Variants in ST3GAL6 observed in about 807,000 individuals in gnomAD.
The protein encoded by ST3GAL6 is ST3 beta-galactoside alpha-2,3-sialyltransferase 6.
In ST3GAL6, 31 loss-of-function variants were observed where a neutral mutation model predicts 40.5. That is an observed-to-expected ratio of 0.77 (90% confidence interval 0.58 to 1.03). ST3GAL6 has a LOEUF of 1.03. Ranked by LOEUF, ST3GAL6 falls within the 50% of genes least tolerant of loss-of-function variation. ST3GAL6 has a pLI of 0.00. For synonymous variants in ST3GAL6, 129 were observed against 136.9 expected (o/e 0.94, Z 0.40); for missense variants, 357 against 393.2 (o/e 0.91, Z 0.78).
chr3:98,768,165 G>A (rs1385786905), intron 1 of ST3GAL6, among the ~76,000 whole-genome samples: 2 of 152,142 alleles, frequency 1.3e-5, no homozygotes, highest in Admixed American at 6.5e-5. Context: ...GAAAGTAGTA[G>A]GGGGAGGCCC....
At chr3:98,732,535 A>C in intron 1 of ST3GAL6, 1 of 254,534 alleles carries the variant, frequency 3.9e-6, no homozygotes. Context: ...CCCGAAAGGT[A>C]GGGGTTCGGC....
At chr3:98,775,401 G>A (rs1327172721) in intron 5 of ST3GAL6, among the ~76,000 whole-genome samples, 1 of 151,808 alleles carries the variant, frequency 6.6e-6, no homozygotes, top group African/African-American at 2.4e-5. Flanking sequence ...GCTTGAACCA[G>A]GGAGGCGGAG....
chr3:98,776,407 T>C (rs1314980385), intron 5 of ST3GAL6, among the ~76,000 whole-genome samples: 2 of 152,164 alleles, frequency 1.3e-5, no homozygotes, highest in Non-Finnish European at 2.9e-5. Flanking sequence ...CTGAGAACAG[T>C]CTTTCTTTCT....
chr3:98,756,547 A>ACTTT (rs1937432671), intron 1 of ST3GAL6: 1 of 1,246,726 alleles, frequency 8.0e-7, no homozygotes, highest in South Asian at 1.3e-5. Flanking sequence ...GCAGGTAAGC[A>ACTTT]AAGGCAACAC....
chr3:98,771,181 T>C, intron 3 of ST3GAL6: 1 of 1,462,550 alleles, frequency 6.8e-7, no homozygotes, highest in Non-Finnish European at 9.1e-7. Context: ...CCAGTATTCT[T>C]TTCACACAGG....
At chr3:98,759,676 T>A (rs1030215549), upstream of ST3GAL6, among the ~76,000 whole-genome samples, 3 of 152,150 alleles carry the variant, frequency 2.0e-5, no homozygotes, top group Admixed American at 1.3e-4. Flanking sequence ...CCTCACTGTG[T>A]CTAAATGCCC....
intron 1 of ST3GAL6, among the ~76,000 whole-genome samples, chr3:98,743,143 G>C (rs1262033575): frequency 6.6e-6 from 1 of 151,490 alleles, no homozygotes; most frequent in East Asian, 1.9e-4. Context: ...GAGTAGCTAG[G>C]AACACAGATG....
intron 5 of ST3GAL6, among the ~76,000 whole-genome samples, chr3:98,775,780 C>T (rs977167344): frequency 7.2e-5 from 11 of 152,148 alleles, no homozygotes; most frequent in African/African-American, 2.2e-4. Context: ...TCTCCCCACT[C>T]CCCACCATCA....
At chr3:98,791,438 G>A (rs1185665012) in intron 8 of ST3GAL6, among the ~76,000 whole-genome samples, 1 of 152,172 alleles carries the variant, frequency 6.6e-6, no homozygotes, top group African/African-American at 2.4e-5. Context: ...TGTGAATGAA[G>A]CTGTCCTTAT....
chr3:98,773,788 A>C (rs1939245511), intron 4 of ST3GAL6, 132 bp from the exon 5 acceptor site: 7 of 608,780 alleles, frequency 1.1e-5, no homozygotes, highest in Non-Finnish European at 1.7e-5. Flanking sequence ...TGTATCATTA[A>C]TTTTTCACAG....
intron 1 of ST3GAL6, among the ~76,000 whole-genome samples, chr3:98,757,858 C>T (rs1020442009): frequency 8.0e-5 from 12 of 149,176 alleles, no homozygotes; most frequent in South Asian, 4.2e-4. Context: ...TTTTTTGAGA[C>T]GGAGTCTTGC....
chr3:98,791,787 TG>T, intron 8 of ST3GAL6, 53 bp from the exon 9 acceptor site: 5 of 1,516,284 alleles, frequency 3.3e-6, no homozygotes, highest in Non-Finnish European at 4.5e-6. Context: ...AAATATGCTT[TG>T]GTAACAAGTA....
intron 1 of ST3GAL6, among the ~76,000 whole-genome samples, chr3:98,743,911 G>A (rs982941242): frequency 3.4e-5 from 2 of 59,252 alleles, no homozygotes; most frequent in South Asian, 5.8e-4. Flanking sequence ...TCCCCCCCCC[G>A]CTCCAAGAGA....
intron 1 of ST3GAL6, among the ~76,000 whole-genome samples, chr3:98,757,842 T>TA (rs1438571525): frequency 2.1e-5 from 3 of 144,626 alleles, no homozygotes; most frequent in Non-Finnish European, 4.6e-5. Flanking sequence ...CTTTTTTTTC[T>TA]TTTTTTTTTT....
At chr3:98,762,923 A>T (rs1247144881), upstream of ST3GAL6, 1 of 985,354 alleles carries the variant, frequency 1.0e-6, no homozygotes, top group Non-Finnish European at 1.2e-6. Flanking sequence ...AAACTGTGCT[A>T]TCATTTACAT....
chr3:98,749,791 G>A (rs1936847777), intron 1 of ST3GAL6, among the ~76,000 whole-genome samples: 1 of 152,216 alleles, frequency 6.6e-6, no homozygotes, highest in South Asian at 2.1e-4. Context: ...GAAGGGCTGT[G>A]TATTCAGATA....
intron 2 of ST3GAL6, among the ~76,000 whole-genome samples, chr3:98,770,039 G>C (rs1938801271): frequency 6.6e-6 from 1 of 152,054 alleles, no homozygotes. Context: ...CTAACTATGG[G>C]GATTTTGTAC....
intron 5 of ST3GAL6, chr3:98,782,735 G>A (rs1940260118): frequency 1.4e-5 from 7 of 495,186 alleles, no homozygotes; most frequent in South Asian, 9.7e-5. Flanking sequence ...CGTGTCCATA[G>A]ATCATGTTCA....
At chr3:98,758,991 C>T (rs891719936), upstream of ST3GAL6, among the ~76,000 whole-genome samples, 1 of 152,168 alleles carries the variant, frequency 6.6e-6, no homozygotes, top group African/African-American at 2.4e-5. Context: ...AGAAGAAGAG[C>T]TGAGACTCAA....
Sources: gnomAD v4.1 joint callset for allele counts (sites outside exome capture counted in the v4.1 genomes callset) on GRCh38, gnomAD v4.1.1 for gene constraint, MANE v1.5 for transcripts, NCBI Gene and HGNC (gene_info 2026-07-23, HGNC 2026-07-21) for gene names.